SMC3: variants seen among roughly 807,000 people sequenced by gnomAD.
SMC3 encodes structural maintenance of chromosomes 3.
A neutral mutation model predicts 171.8 loss-of-function variants in SMC3; 20 were observed. That is an observed-to-expected ratio of 0.12 (90% CI 0.08 to 0.17). The LOEUF (loss-of-function observed/expected upper bound fraction) is 0.17. Among genes scored for constraint, SMC3 ranks in the 10% least tolerant of loss-of-function variants. SMC3 has a pLI of 1.00. For synonymous variants in SMC3, 464 were observed against 451.1 expected, an observed-to-expected ratio of 1.03 and a Z score of -0.36; for missense variants, 543 against 1,420.4, an observed-to-expected ratio of 0.38 and a Z score of 9.93.
At chr10:110,587,469 C>G (rs57368650) in intron 13 of SMC3, among the ~76,000 whole-genome samples, 1 of 152,114 alleles carries the variant, frequency 6.6e-6, no homozygotes, top group African/African-American at 2.4e-5. Flanking sequence ...ATCACGAGGT[C>G]AGGAGATCGA....
intron 18 of SMC3, among the ~76,000 whole-genome samples, chr10:110,594,631 C>T (rs927023101): frequency 1.3e-5 from 2 of 152,014 alleles, no homozygotes; most frequent in Non-Finnish European, 1.5e-5. Flanking sequence ...GGTTAAGAAC[C>T]TCCAGTATAT....
chr10:110,570,619 C>T (rs1472862581), intron 2 of SMC3, among the ~76,000 whole-genome samples: 1 of 151,970 alleles, frequency 6.6e-6, no homozygotes, highest in East Asian at 1.9e-4. Flanking sequence ...TAACTTGCAC[C>T]TTAAAATAAG....
At chr10:110,595,922 T>C (rs1861292674) in intron 18 of SMC3, among the ~76,000 whole-genome samples, 1 of 146,132 alleles carries the variant, frequency 6.8e-6, no homozygotes, top group African/African-American at 2.5e-5. Context: ...AGGTTCTTTT[T>C]TTTTTTTTTT....
intron 8 of SMC3, 49 bp from the exon 9 acceptor site, chr10:110,581,874 C>G (rs1209763725): frequency 7.0e-7 from 1 of 1,422,902 alleles, no homozygotes; most frequent in East Asian, 2.3e-5. Flanking sequence ...AGTGATATTA[C>G]ATAAAAATCT....
intron 11 of SMC3, 53 bp downstream of exon 11, chr10:110,583,601 T>C: frequency 6.4e-7 from 1 of 1,571,266 alleles, no homozygotes; most frequent in Middle Eastern, 1.7e-4. Context: ...GAGTAGCAAC[T>C]GTAGAAGACA....
chr10:110,580,926 C>A lies in SMC3; in HGVS notation c.452C>A (p.Pro151Gln). The change falls in exon 8 of 29, where the codon CCA (proline) becomes CAA (glutamine). Residue 151 changes from proline to glutamine, a missense_variant. By Grantham distance (76) the Pro-to-Gln change is moderately conservative. This residue lies in a region of SMC3 where 146 missense variants were observed against 437.9 expected (regional missense o/e 0.33). Transcript: ENST00000361804. ...TAGATCAACCAGATGGCAACAGCAC[C>A]AGATTCTCAGAGATTAAAGCTATTA... ...QGKINQMATA[P>Q]DSQRLKLLRE... 1 of 1,606,988 alleles carries A rather than the reference C, an allele frequency of 6.2e-7. No homozygotes were observed. The highest frequency in any genetic ancestry group is 8.5e-7 in the Non-Finnish European group (1 of 1,173,646).
chr10:110,597,258 C>T (rs543362582), intron 19 of SMC3, among the ~76,000 whole-genome samples: 10 of 149,452 alleles, frequency 6.7e-5, no homozygotes, highest in East Asian at 5.8e-4. Context: ...ATAACCAAGT[C>T]GGAGTAGCCA....
chr10:110,568,868 A>C (rs1204822331), intron 1 of SMC3, 70 bp from the exon 2 acceptor site: 10 of 905,264 alleles, frequency 1.1e-5, no homozygotes, highest in Non-Finnish European at 1.7e-5. Context: ...AAAAACAAGA[A>C]AGAAATGCAA....
Position 110,580,946 on chromosome 10 carries a change from C to T in SMC3, c.472C>T (p.Leu158=). The T allele has an allele frequency of 1.2e-6, 2 of 1,611,304 alleles. No homozygotes were observed. Among genetic ancestry groups the T allele is most frequent in the Non-Finnish European group, 1.7e-6 (2 of 1,177,530 alleles). ...AGCACCAGATTCTCAGAGATTAAAG[C>T]TATTAAGAGAAGTAGCTGGTACTAG... ...ATAPDSQRLK[L]LREVAGTRVY... Residue 158 remains leucine (L), a synonymous_variant, in exon 8 of 29, where the codon CTA becomes TTA. Coordinates refer to ENST00000361804, the MANE Select transcript of SMC3 (RefSeq NM_005445.4).
chr10:110,568,625 A>G (rs943026161), intron 1 of SMC3: 6 of 344,698 alleles, frequency 1.7e-5, no homozygotes, highest in African/African-American at 1.1e-4. Context: ...TAGACTTGCT[A>G]TTGTACTGCA....
In SMC3 at chr10:110,603,005, A is replaced by G. The variant is rs1210714952; in HGVS notation, c.3475+3A>G. 11 of 1,614,100 alleles carry G rather than the reference A, an allele frequency of 6.8e-6. No homozygotes were observed. The highest frequency in any genetic ancestry group is 8.5e-6 in the Non-Finnish European group (10 of 1,179,936). ...TCAGCACAGAAAGGCTGTGTCAGGT[A>G]CAGTTTCAGTACAGTTTTGGTTTTG... On this transcript the variant is annotated splice_donor_region_variant and intron_variant, in intron 27 of 28. Transcript: ENST00000361804.
At chr10:110,602,432 A>G in intron 25 of SMC3, 42 bp from the exon 26 acceptor site, 1 of 1,518,268 alleles carries the variant, frequency 6.6e-7, no homozygotes. Context: ...GTTATATATA[A>G]TTCTAAGCAA....
In SMC3 at chr10:110,590,875, T is replaced by C. The variant is rs1372730038; in HGVS notation, c.1671-116T>C. The C allele has an allele frequency of 1.3e-5, 12 of 919,546 alleles. No homozygotes were observed. In the East Asian group the frequency reaches 3.0e-4, roughly 23 times the overall value. The allele number at this position is 919,546 out of a possible 1,614,324, so 57.0% of individuals were successfully genotyped here. ...TTAAGTGTTTATAACATTTTAAAAG[T>C]GCACACCTTTAGTCCCAGCTATGCA... On this transcript the variant is annotated intron_variant, in intron 16 of 28. Transcript: ENST00000361804.
intron 18 of SMC3, among the ~76,000 whole-genome samples, chr10:110,594,833 A>G (rs1469677686): frequency 6.6e-6 from 1 of 152,190 alleles, no homozygotes; most frequent in African/African-American, 2.4e-5. Context: ...CCTAACAATA[A>G]GAACATTCTT....
At position 110,567,854 on chromosome 10, in the gene SMC3, C is replaced by T. The variant is rs756962756; in HGVS notation, c.15+23C>T. On this transcript the variant is annotated intron_variant, in intron 1 of 28. Transcript: ENST00000361804. Reference sequence around the variant, plus strand: ...CAGGTAAGGCCTTCGCGTCCCTCCACCCCGTCATGGGCCGGTAAGGGCCGC... The same window carrying T: ...CAGGTAAGGCCTTCGCGTCCCTCCATCCCGTCATGGGCCGGTAAGGGCCGC... 12 of 1,613,288 alleles carry T rather than the reference C, an allele frequency of 7.4e-6. No individual in the cohort carries two copies. The South Asian group carries it at 1.3e-4, about 18-fold the overall frequency.
intron 3 of SMC3, among the ~76,000 whole-genome samples, chr10:110,574,395 G>C (rs1860916750): frequency 6.6e-6 from 1 of 152,182 alleles, no homozygotes; most frequent in Admixed American, 6.5e-5. Context: ...CAGTTAAGGA[G>C]TAGGTTGAAA....
Position 110,601,850 on chromosome 10 carries a change from C to T in SMC3, c.2858C>T (p.Ala953Val). Residue 953 changes from alanine to valine, a missense_variant, in exon 24 of 29, where the codon GCA becomes GTA. Ala to Val is a moderately conservative substitution (Grantham distance 64). This residue lies in a region of SMC3 where 81 missense variants were observed against 184.2 expected (regional missense o/e 0.44). Coordinates refer to ENST00000361804, the MANE Select transcript of SMC3 (RefSeq NM_005445.4). ...GAACTTGGATCACTTCCCCAGGAAG[C>T]ATTTGAAAAGTACCAGACACTGAGC... ...IRELGSLPQE[A>V]FEKYQTLSLK... The T allele has an allele frequency of 1.9e-6, 3 of 1,613,956 alleles. No individual in the cohort carries two copies. The highest frequency in any genetic ancestry group is 1.7e-6 in the Non-Finnish European group (2 of 1,179,936).
At chr10:110,574,948 T>A (rs184773907) in intron 3 of SMC3, among the ~76,000 whole-genome samples, 1 of 152,346 alleles carries the variant, frequency 6.6e-6, no homozygotes, top group East Asian at 1.9e-4. Flanking sequence ...CATCCTATTT[T>A]GTTAAAAAGG....
chr10:110,582,200 A>T, intron 9 of SMC3, 102 bp downstream of exon 9: 1 of 1,085,254 alleles, frequency 9.2e-7, no homozygotes, highest in Non-Finnish European at 1.4e-6. Context: ...TTAAATAGAA[A>T]CTTAAAAAAA....
Sources: gnomAD v4.1 joint callset for allele counts (sites outside exome capture counted in the v4.1 genomes callset) on GRCh38, gnomAD v4.1.1 for gene constraint, gnomAD v4.1.1 regional missense constraint, MANE v1.5 for transcripts, NCBI Gene and HGNC (gene_info 2026-07-23, HGNC 2026-07-21) for gene names.